Variants in CCDC138 observed in about 807,000 individuals in gnomAD.
CCDC138 encodes coiled-coil domain containing 138.
Under a neutral mutation model 82.3 loss-of-function variants are expected in CCDC138, and 66 were observed. The observed-to-expected ratio is 0.80, with a 90% CI of 0.66 to 0.98. The LOEUF (loss-of-function observed/expected upper bound fraction) is 0.98. Among genes scored for constraint, CCDC138 ranks in the 50% least tolerant of loss-of-function variants. CCDC138 has a pLI of 0.00. For synonymous variants in CCDC138, 297 were observed against 265.4 expected (o/e 1.12, Z -1.16); for missense variants, 816 against 758.9 (o/e 1.08, Z -0.88).
Position 108,794,520 on chromosome 2 carries a change from A to G in CCDC138, c.395-20A>G. On this transcript the variant is annotated intron_variant, in intron 4 of 14. Coordinates refer to ENST00000295124, the MANE Select transcript of CCDC138 (RefSeq NM_144978.3). ...AATAAGTTAATAAAGTTTATAATGC[A>G]AATGTTATTTTCTTTGCAGTTGCCT... is the stretch of plus-strand genomic sequence containing the variant. 6.3e-7 allele frequency: 1 copy of G among 1,580,664 alleles called. No individual in the cohort carries two copies. Among genetic ancestry groups the G allele is most frequent in the Non-Finnish European group, 8.6e-7 (1 of 1,162,032 alleles).
intron 10 of CCDC138, among the ~76,000 whole-genome samples, chr2:108,828,519 TAGAATGG>T (rs1687018514): frequency 6.6e-6 from 1 of 152,182 alleles, no homozygotes; most frequent in Admixed American, 6.5e-5. Context: ...ACCAATGGGA[TAGAATGG>T]AGAGCCCAAT....
At chr2:108,842,003 G>A (rs918991359) in intron 11 of CCDC138, among the ~76,000 whole-genome samples, 1 of 152,042 alleles carries the variant, frequency 6.6e-6, no homozygotes, top group Non-Finnish European at 1.5e-5. Context: ...AGTCATAGAA[G>A]TTGGAAGTAA....
chr2:108,809,451 TGTGTGTG>T (rs1683418690), intron 7 of CCDC138, among the ~76,000 whole-genome samples: 1 of 25,948 alleles, frequency 3.9e-5, no homozygotes, highest in Non-Finnish European at 9.3e-5. Flanking sequence ...TGAAATGTTG[TGTGTGTG>T]TGTGTGTGTG....
At chr2:108,869,702 A>G (rs1251956312) in intron 13 of CCDC138, among the ~76,000 whole-genome samples, 1 of 152,112 alleles carries the variant, frequency 6.6e-6, no homozygotes, top group Non-Finnish European at 1.5e-5. Context: ...AAAAGAAAAA[A>G]ACAGCATACA....
chr2:108,815,211 T>C (rs1684555507), intron 9 of CCDC138, among the ~76,000 whole-genome samples: 1 of 152,122 alleles, frequency 6.6e-6, no homozygotes, highest in African/African-American at 2.4e-5. Flanking sequence ...ATAAGTTTCA[T>C]AGTGGAAATT....
chr2:108,845,166 A>T (rs1690230037), intron 11 of CCDC138, among the ~76,000 whole-genome samples: 1 of 152,222 alleles, frequency 6.6e-6, no homozygotes, highest in African/African-American at 2.4e-5. Context: ...TATTGTAAGT[A>T]GAGTTTTGAA....
chr2:108,808,464 T>A (rs1007451435), intron 7 of CCDC138, among the ~76,000 whole-genome samples: 5 of 152,194 alleles, frequency 3.3e-5, no homozygotes, highest in Admixed American at 6.5e-5. Flanking sequence ...GCTGTGCTAA[T>A]TTATATCCCC....
chr2:108,884,242 G>T (rs564629658), intron 2 of CCDC138: 1 of 152,302 alleles, frequency 6.6e-6, no homozygotes, highest in African/African-American at 2.4e-5. Flanking sequence ...AGTTATCTGG[G>T]CCCAACTTGC....
chr2:108,831,064 A>T (rs1687502700), intron 10 of CCDC138, among the ~76,000 whole-genome samples: 1 of 152,056 alleles, frequency 6.6e-6, no homozygotes, highest in Non-Finnish European at 1.5e-5. Context: ...AATCCCAGCT[A>T]CTCATGGGGC....
intron 10 of CCDC138, among the ~76,000 whole-genome samples, chr2:108,822,312 A>G (rs1574073780): frequency 6.6e-6 from 1 of 152,220 alleles, no homozygotes; most frequent in South Asian, 2.1e-4. Flanking sequence ...ATTATAAAGC[A>G]AACATTGACA....
chr2:108,828,496 A>G (rs187916998), intron 10 of CCDC138, among the ~76,000 whole-genome samples: 146 of 152,372 alleles, frequency 9.6e-4, no homozygotes, highest in African/African-American at 3.5e-3. Flanking sequence ...TGATACTGAC[A>G]TAAGACATGT....
intron 11 of CCDC138, among the ~76,000 whole-genome samples, chr2:108,846,516 GA>G (rs758087504): frequency 4.4e-4 from 59 of 135,078 alleles, no homozygotes; most frequent in East Asian, 6.4e-4. Flanking sequence ...CATCTCTACC[GA>G]AAAAAAAAAA....
At chr2:108,787,677 G>C (rs1032689197) in intron 1 of CCDC138, among the ~76,000 whole-genome samples, 1 of 152,006 alleles carries the variant, frequency 6.6e-6, no homozygotes, top group African/African-American at 2.4e-5. Flanking sequence ...CTTTAATCTG[G>C]AACAGGTTCA....
intron 13 of CCDC138, among the ~76,000 whole-genome samples, chr2:108,866,742 A>G (rs1694474108): frequency 6.6e-6 from 1 of 152,052 alleles, no homozygotes; most frequent in Non-Finnish European, 1.5e-5. Flanking sequence ...CATTAGCTGG[A>G]CGCGGTGACG....
At chr2:108,844,934 G>A (rs1349902609) in intron 11 of CCDC138, among the ~76,000 whole-genome samples, 3 of 152,150 alleles carry the variant, frequency 2.0e-5, no homozygotes, top group Non-Finnish European at 4.4e-5. Flanking sequence ...TTTTAGTAGA[G>A]ACGGGGTTTC....
At chr2:108,874,304 C>A (rs957727567) in intron 14 of CCDC138, among the ~76,000 whole-genome samples, 2 of 152,068 alleles carry the variant, frequency 1.3e-5, no homozygotes, top group Non-Finnish European at 2.9e-5. Flanking sequence ...CTGCCTACTG[C>A]CACTAATTTG....
intron 7 of CCDC138, among the ~76,000 whole-genome samples, chr2:108,811,294 G>A (rs1267450341): frequency 2.5e-5 from 3 of 121,220 alleles, no homozygotes; most frequent in Admixed American, 1.0e-4. Flanking sequence ...AGGTTGAAGT[G>A]CAGTGGCATG....
At chr2:108,863,326 G>C (rs1558755370) in intron 13 of CCDC138, among the ~76,000 whole-genome samples, 1 of 152,126 alleles carries the variant, frequency 6.6e-6, no homozygotes, top group Non-Finnish European at 1.5e-5. Flanking sequence ...CTTTCACATG[G>C]AAAAATTCCC....
At chr2:108,851,036 A>G (rs959250552) in intron 12 of CCDC138, among the ~76,000 whole-genome samples, 17 of 151,618 alleles carry the variant, frequency 1.1e-4, no homozygotes, top group Non-Finnish European at 2.4e-4. Flanking sequence ...CTTCTGACCA[A>G]CTGGCTTCAA....
Sources: gnomAD v4.1 joint callset for allele counts (sites outside exome capture counted in the v4.1 genomes callset) on GRCh38, gnomAD v4.1.1 for gene constraint, MANE v1.5 for transcripts, NCBI Gene and HGNC (gene_info 2026-07-23, HGNC 2026-07-21) for gene names.